Variants in GPC5 observed in about 807,000 individuals in gnomAD.
GPC5 encodes the protein glypican-5.
GPC5 carries 47 observed loss-of-function variants against 53.9 expected under a neutral mutation model. The ratio of observed to expected loss-of-function variants is 0.87; its 90% CI spans 0.69 to 1.11. The LOEUF is 1.11. Ranked by LOEUF, GPC5 falls within the 50% of genes most tolerant of loss-of-function variation. GPC5 has a pLI of 0.00. For synonymous variants in GPC5, 286 were observed against 263.3 expected (o/e 1.09, Z -0.84); for missense variants, 748 against 713.1 (o/e 1.05, Z -0.56).
At chr13:92,324,235 AAATT>A (rs1167376602) in intron 7 of GPC5, among the ~76,000 whole-genome samples, 3 of 152,116 alleles carry the variant, frequency 2.0e-5, no homozygotes, top group Non-Finnish European at 2.9e-5. Flanking sequence ...AAAATAATGA[AAATT>A]AATATGTTAA....
intron 6 of GPC5, among the ~76,000 whole-genome samples, chr13:92,098,770 G>A (rs907967524): frequency 6.6e-6 from 1 of 152,114 alleles, no homozygotes; most frequent in Non-Finnish European, 1.5e-5. Flanking sequence ...AGAAAAGGGA[G>A]ACAGCTGTGT....
chr13:92,816,510 C>A (rs1353413546), intron 7 of GPC5, among the ~76,000 whole-genome samples: 2 of 151,982 alleles, frequency 1.3e-5, no homozygotes, highest in African/African-American at 4.8e-5. Flanking sequence ...TTGAGCATGG[C>A]CTGTGTGATC....
At chr13:91,740,722 G>A (rs748594222) in intron 4 of GPC5, among the ~76,000 whole-genome samples, 2 of 152,146 alleles carry the variant, frequency 1.3e-5, no homozygotes, top group African/African-American at 2.4e-5. Context: ...CCCTTTTTGA[G>A]CAGAGACCAA....
intron 7 of GPC5, among the ~76,000 whole-genome samples, chr13:92,394,077 AAG>A (rs1875146723): frequency 6.6e-6 from 1 of 152,220 alleles, no homozygotes; most frequent in South Asian, 2.1e-4. Flanking sequence ...TTACTTCCTG[AAG>A]AGAGTTTCCC....
chr13:92,073,630 G>T (rs1021067323), intron 6 of GPC5, among the ~76,000 whole-genome samples: 6 of 152,228 alleles, frequency 3.9e-5, no homozygotes, highest in Admixed American at 1.3e-4. Flanking sequence ...GATGGTATAC[G>T]ATGTCTACCA....
intron 6 of GPC5, among the ~76,000 whole-genome samples, chr13:91,976,875 A>G (rs935294701): frequency 1.2e-4 from 19 of 152,060 alleles, no homozygotes; most frequent in African/African-American, 3.9e-4. Context: ...CCCCGTCTCT[A>G]CTAAAAACAC....
intron 7 of GPC5, among the ~76,000 whole-genome samples, chr13:92,359,165 A>T (rs2043546255): frequency 6.6e-6 from 1 of 151,664 alleles, no homozygotes; most frequent in African/African-American, 2.4e-5. Context: ...CTGCTTGGAA[A>T]TTTCTTTTGC....
intron 7 of GPC5, among the ~76,000 whole-genome samples, chr13:92,582,944 T>C (rs1883416265): frequency 6.6e-6 from 1 of 152,192 alleles, no homozygotes; most frequent in Admixed American, 6.5e-5. Context: ...GCAATGATGA[T>C]TTAACTATTT....
At chr13:91,935,526 G>T (rs2039862017) in intron 6 of GPC5, among the ~76,000 whole-genome samples, 1 of 151,946 alleles carries the variant, frequency 6.6e-6, no homozygotes, top group Non-Finnish European at 1.5e-5. Flanking sequence ...TGGACTGTCA[G>T]CCTCTAGAAT....
At chr13:92,678,956 G>A (rs1201335967) in intron 7 of GPC5, among the ~76,000 whole-genome samples, 1 of 152,158 alleles carries the variant, frequency 6.6e-6, no homozygotes, top group East Asian at 1.9e-4. Flanking sequence ...AAATTTCAGA[G>A]CCTGAGCCAA....
At chr13:92,751,303 TAAAAAAAAAAAAAAAA>T (rs71123435) in intron 7 of GPC5, among the ~76,000 whole-genome samples, 24 of 38,780 alleles carry the variant, frequency 6.2e-4, no homozygotes, top group South Asian at 4.1e-3. Flanking sequence ...CAGAAACATT[TAAAAAAAAAAAAAAAA>T]AAAAAAAAAA....
chr13:92,819,094 T>G (rs1408114363), intron 7 of GPC5, among the ~76,000 whole-genome samples: 2 of 152,026 alleles, frequency 1.3e-5, no homozygotes, highest in Non-Finnish European at 2.9e-5. Flanking sequence ...GCAATTCATT[T>G]TGCATTCTCA....
chr13:92,518,265 A>G (rs1880874056), intron 7 of GPC5, among the ~76,000 whole-genome samples: 1 of 152,176 alleles, frequency 6.6e-6, no homozygotes, highest in Non-Finnish European at 1.5e-5. Flanking sequence ...CAAATTCAGG[A>G]GATACGGAGG....
chr13:92,129,933 G>A (rs943624961), intron 6 of GPC5, among the ~76,000 whole-genome samples: 1 of 152,066 alleles, frequency 6.6e-6, no homozygotes, highest in African/African-American at 2.4e-5. Context: ...CAAAAATTTT[G>A]TAAAATTGAT....
intron 2 of GPC5, among the ~76,000 whole-genome samples, chr13:91,664,165 T>C (rs965381904): frequency 9.2e-5 from 14 of 152,226 alleles, no homozygotes; most frequent in Non-Finnish European, 1.8e-4. Flanking sequence ...TGTTGCACAA[T>C]ACAGTATATA....
chr13:91,693,754 C>A lies in GPC5; in HGVS notation c.893C>A (p.Ser298Ter). The change falls in exon 3 of 8, where the codon TCG (serine) becomes TAG (stop). Residue 298 changes from serine to a stop codon, truncating the protein, a stop_gained. Coordinates refer to ENST00000377067, the MANE Select transcript of GPC5 (RefSeq NM_004466.6). LOFTEE classifies it high-confidence loss of function. Reference sequence around the variant, plus strand: ...CCACACTGGCATGCATATATCCGGTCGTTGGAAGAACTCTCGGATGCAATG... The same window carrying A: ...CCACACTGGCATGCATATATCCGGTAGTTGGAAGAACTCTCGGATGCAATG... ...LNPHWHAYIRSLEELSDAMHG... is the reference protein window; with the variant it reads ...LNPHWHAYIR The A allele has an allele frequency of 6.2e-7, 1 of 1,614,120 alleles. No individual in the cohort carries two copies. The highest frequency in any genetic ancestry group is 1.6e-4 in the Middle Eastern group (1 of 6,062).
rs578139490 is a variant in GPC5 at position 91,693,326 on chromosome 13, G to A, written c.465G>A (p.Ala155=). ...FTDVGLYLFG[A]DVNPEEFVNR... ...ATGTGGGGCTGTATTTATTTGGTGC[G>A]GATGTTAATCCTGAAGAATTTGTAA... The change falls in exon 3 of 8, where the codon GCG becomes GCA. Residue 155 remains alanine (A), a synonymous_variant. Transcript: ENST00000377067. 80 of 1,614,054 alleles carry A rather than the reference G, an allele frequency of 5.0e-5. No individual in the cohort carries two copies. In the South Asian group the frequency reaches 7.4e-4, roughly 15 times the overall value.
intron 7 of GPC5, among the ~76,000 whole-genome samples, chr13:92,782,276 C>G (rs906739989): frequency 6.6e-6 from 1 of 152,100 alleles, no homozygotes; most frequent in Non-Finnish European, 1.5e-5. Flanking sequence ...CTTCTTGTGT[C>G]CTGTTATATA....
At position 91,444,245 on chromosome 13, in the gene GPC5, C is replaced by T. The variant is rs936089066; in HGVS notation, c.164-4516C>T. 4.6e-5 allele frequency among the ~76,000 whole-genome samples: 7 copies of T among 151,972 alleles called. 1 individual carries two copies. Among genetic ancestry groups the T allele is most frequent in the Non-Finnish European group, 1.5e-5 (1 of 68,002 alleles). On this transcript the variant is annotated intron_variant, in intron 1 of 7. Transcript: ENST00000377067. Reference sequence around the variant, plus strand: ...TAATTTTTATCCTGAGTACTATCACCTCATATCTGAGTTTTAAAATTCTGA... The same window carrying T: ...TAATTTTTATCCTGAGTACTATCACTTCATATCTGAGTTTTAAAATTCTGA...
Sources: allele counts gnomAD v4.1 joint callset (sites outside exome capture counted in the v4.1 genomes callset), GRCh38; gene constraint gnomAD v4.1.1; transcripts MANE v1.5; gene names NCBI Gene and HGNC (gene_info 2026-07-23, HGNC 2026-07-21).